ANO10: variants seen among roughly 807,000 people sequenced by gnomAD.
The protein encoded by ANO10 is anoctamin-10.
ANO10 carries 77 observed loss-of-function variants against 74.7 expected under a neutral mutation model. The ratio of observed to expected loss-of-function variants is 1.03; its 90% CI spans 0.86 to 1.25. ANO10 has a LOEUF of 1.25. Ranked by LOEUF, ANO10 falls within the 50% of genes most tolerant of loss-of-function variation. The pLI, the probability that ANO10 is intolerant of heterozygous loss-of-function variation, is 0.00. For missense variants in ANO10, 721 were observed against 778.1 expected, an observed-to-expected ratio of 0.93 and a Z score of 0.87; for synonymous variants, 279 against 284.9, an observed-to-expected ratio of 0.98 and a Z score of 0.21.
intron 4 of ANO10, among the ~76,000 whole-genome samples, chr3:43,594,557 A>G (rs1223426634): frequency 6.6e-6 from 1 of 152,206 alleles, no homozygotes; most frequent in Non-Finnish European, 1.5e-5. Context: ...TGTTCTCTGA[A>G]ACCAATGAGA....
chr3:43,592,298 C>A (rs2081822565), intron 4 of ANO10, among the ~76,000 whole-genome samples: 2 of 152,194 alleles, frequency 1.3e-5, no homozygotes, highest in African/African-American at 2.4e-5. Context: ...CAGACTGCCT[C>A]CTCAAGTGGG....
chr3:43,542,067 CAGAAGG>C (rs2078981116), intron 11 of ANO10, among the ~76,000 whole-genome samples: 1 of 152,132 alleles, frequency 6.6e-6, no homozygotes. Context: ...GCAGGAAAGC[CAGAAGG>C]CTTTCCTTCT....
chr3:43,687,707 G>A (rs2084292932), intron 1 of ANO10, among the ~76,000 whole-genome samples: 1 of 152,194 alleles, frequency 6.6e-6, no homozygotes. Flanking sequence ...TCACAAAAAG[G>A]AAGTTAATTT....
chr3:43,678,844 T>A (rs2084157203), intron 1 of ANO10, among the ~76,000 whole-genome samples: 1 of 152,236 alleles, frequency 6.6e-6, no homozygotes, highest in African/African-American at 2.4e-5. Flanking sequence ...GAAAATATTT[T>A]AAAAATTACA....
chr3:43,607,334 T>TA (rs113006272), intron 1 of ANO10, among the ~76,000 whole-genome samples: 3,569 of 118,242 alleles, frequency 0.03, 137 homozygotes, highest in African/African-American at 0.096. Flanking sequence ...AGACCCTGTC[T>TA]AAAAAAAAAA....
At chr3:43,662,683 G>C (rs1034805163) in intron 1 of ANO10, among the ~76,000 whole-genome samples, 4 of 151,966 alleles carry the variant, frequency 2.6e-5, no homozygotes, top group African/African-American at 9.7e-5. Flanking sequence ...GAATCAAATA[G>C]ATGCAATAAA....
intron 11 of ANO10, among the ~76,000 whole-genome samples, chr3:43,510,737 G>A (rs898175287): frequency 2.0e-5 from 3 of 152,172 alleles, no homozygotes; most frequent in South Asian, 2.1e-4. Flanking sequence ...ATATACCACT[G>A]TGTACAAAGA....
At chr3:43,380,742 A>T (rs1559492489) in intron 12 of ANO10, among the ~76,000 whole-genome samples, 1 of 152,328 alleles carries the variant, frequency 6.6e-6, no homozygotes, top group East Asian at 1.9e-4. Flanking sequence ...GAACCTCCTT[A>T]AAGTATAAAT....
At chr3:43,509,150 TAC>T (rs2077415081) in intron 11 of ANO10, among the ~76,000 whole-genome samples, 1 of 151,472 alleles carries the variant, frequency 6.6e-6, no homozygotes, top group Admixed American at 6.6e-5. Context: ...TTCTCAGTCA[TAC>T]ATGGGAATTG....
intron 4 of ANO10, among the ~76,000 whole-genome samples, chr3:43,592,121 G>A (rs930441462): frequency 6.6e-5 from 10 of 152,254 alleles, no homozygotes; most frequent in South Asian, 2.1e-4. Context: ...GGGTGGAGCC[G>A]ACCACAGCTC....
In ANO10 at chr3:43,386,687, G is replaced by GTC. The variant is rs1553643283; in HGVS notation, c.1915-19715_1915-19714dup. Reference sequence around the variant, plus strand: ...TGTGTGTGTGTGTGTGTGTGTGTGTGTCTCCAAATCAGCTACCTCTGGGAA... The same window carrying GTC: ...TGTGTGTGTGTGTGTGTGTGTGTGTGTCTCTCCAAATCAGCTACCTCTGGGAA... On this transcript the variant is annotated intron_variant, in intron 12 of 12. Coordinates refer to ENST00000292246, the MANE Select transcript of ANO10 (RefSeq NM_018075.5). 7.0e-4 allele frequency among the ~76,000 whole-genome samples: 106 copies of GTC among 150,944 alleles called. 1 individual carries two copies. The highest frequency in any genetic ancestry group is 2.2e-3 in the African/African-American group (91 of 41,034).
chr3:43,379,193 T>C (rs1450026208), intron 12 of ANO10, among the ~76,000 whole-genome samples: 1 of 152,160 alleles, frequency 6.6e-6, no homozygotes, highest in Non-Finnish European at 1.5e-5. Flanking sequence ...TCAAAACACA[T>C]CTTGGGATAC....
intron 11 of ANO10, among the ~76,000 whole-genome samples, chr3:43,458,477 C>T (rs2075237331): frequency 6.6e-6 from 1 of 152,160 alleles, no homozygotes; most frequent in African/African-American, 2.4e-5. Context: ...TCCACATCCT[C>T]CTTTTACTTA....
At chr3:43,516,046 C>T (rs2077698052) in intron 11 of ANO10, among the ~76,000 whole-genome samples, 1 of 152,176 alleles carries the variant, frequency 6.6e-6, no homozygotes, top group East Asian at 1.9e-4. Flanking sequence ...AGATCACGAC[C>T]TTACATTAGC....
chr3:43,538,729 G>C (rs1387379900), intron 11 of ANO10, among the ~76,000 whole-genome samples: 2 of 152,154 alleles, frequency 1.3e-5, no homozygotes, highest in African/African-American at 4.8e-5. Context: ...GCTAGATGCA[G>C]AGGGGGATGC....
At chr3:43,527,108 A>G (rs2078240669) in intron 11 of ANO10, among the ~76,000 whole-genome samples, 1 of 151,968 alleles carries the variant, frequency 6.6e-6, no homozygotes, top group African/African-American at 2.4e-5. Flanking sequence ...CACAAGATTT[A>G]AATCATAGAT....
chr3:43,465,026 C>T (rs2075554078), intron 11 of ANO10, among the ~76,000 whole-genome samples: 1 of 152,114 alleles, frequency 6.6e-6, no homozygotes, highest in African/African-American at 2.4e-5. Flanking sequence ...GAAAAGTAAA[C>T]AAAGAACCTA....
In ANO10 at chr3:43,600,516, A is replaced by G. The variant is rs1261360687; in HGVS notation, c.205T>C (p.Leu69=). 1 of 1,613,956 alleles carries G rather than the reference A, an allele frequency of 6.2e-7. No individual in the cohort carries two copies. Among genetic ancestry groups the G allele is most frequent in the East Asian group, 2.2e-5 (1 of 44,860 alleles). Residue 69 remains leucine (L), a synonymous_variant, in exon 3 of 13, where the codon TTA becomes CTA. Coordinates refer to ENST00000292246, the MANE Select transcript of ANO10 (RefSeq NM_018075.5). ...YEQETLENQN[L]YLVGASKIRM... ...ATCTTGGAGGCACCAACAAGATATAAGTTCTGATTTTCTAGTGTTTCTTGT... is the reference window on the plus strand; with the variant it reads ...ATCTTGGAGGCACCAACAAGATATAGGTTCTGATTTTCTAGTGTTTCTTGT...
chr3:43,559,012 T>C (rs1396830573), intron 9 of ANO10, among the ~76,000 whole-genome samples: 1 of 152,236 alleles, frequency 6.6e-6, no homozygotes, highest in Non-Finnish European at 1.5e-5. Flanking sequence ...AGAGAACCTG[T>C]GGTGTATAAC....
Sources: gnomAD v4.1 joint callset for allele counts (sites outside exome capture counted in the v4.1 genomes callset) on GRCh38, gnomAD v4.1.1 for gene constraint, MANE v1.5 for transcripts, NCBI Gene and HGNC (gene_info 2026-07-23, HGNC 2026-07-21) for gene names.